The following KLHL8 variants were observed in gnomAD, a reference collection of about 807,000 sequenced individuals.
KLHL8 encodes the protein kelch-like protein 8.
Under a neutral mutation model 63.5 loss-of-function variants are expected in KLHL8, and 38 were observed. The ratio of observed to expected loss-of-function variants is 0.60; its 90% CI spans 0.46 to 0.78. KLHL8 has a LOEUF of 0.78. Ranked by LOEUF, KLHL8 falls within the 30% of genes least tolerant of loss-of-function variation. KLHL8 has a pLI of 0.00. For synonymous variants in KLHL8, 224 were observed against 254.3 expected, an observed-to-expected ratio of 0.88 and a Z score of 1.13; for missense variants, 566 against 752.4, an observed-to-expected ratio of 0.75 and a Z score of 2.90.
intron 1 of KLHL8, among the ~76,000 whole-genome samples, chr4:87,214,431 T>TATATATATATATAG (rs1732517209): frequency 1.8e-5 from 1 of 56,576 alleles, no homozygotes; most frequent in Non-Finnish European, 3.3e-5. Context: ...TATATATATA[T>TATATATATATATAG]ATATATATAT....
At chr4:87,234,375 G>C (rs2110072364) in intron 1 of KLHL8, among the ~76,000 whole-genome samples, 1 of 151,366 alleles carries the variant, frequency 6.6e-6, no homozygotes, top group South Asian at 2.1e-4. Context: ...GGAGGCAGAG[G>C]TTGCACTGAG....
chr4:87,209,848 GTTT>G (rs35717106), intron 1 of KLHL8, among the ~76,000 whole-genome samples: 23 of 105,398 alleles, frequency 2.2e-4, no homozygotes, highest in Non-Finnish European at 3.1e-4. Context: ...TCCGTTTTGG[GTTT>G]TTTTTTTTTT....
chr4:87,205,915 C>T (rs1732110300), intron 1 of KLHL8, among the ~76,000 whole-genome samples: 1 of 152,172 alleles, frequency 6.6e-6, no homozygotes, highest in Admixed American at 6.5e-5. Context: ...TATTAACTAC[C>T]ACACTACAGT....
chr4:87,192,747 T>C (rs1731542890), intron 2 of KLHL8, among the ~76,000 whole-genome samples: 1 of 151,910 alleles, frequency 6.6e-6, no homozygotes, highest in Non-Finnish European at 1.5e-5. Context: ...GCCTATTACA[T>C]ACCTGGGCTA....
In KLHL8 at chr4:87,195,448, G is replaced by A; in HGVS notation, c.92C>T (p.Ser31Phe). Residue 31 changes from serine to phenylalanine, a missense_variant, in exon 2 of 10, where the codon TCC becomes TTC. Physicochemically the swap from Ser to Phe is radical, Grantham distance 155. Coordinates refer to ENST00000273963, the MANE Select transcript of KLHL8 (RefSeq NM_020803.5). Reference sequence around the variant, plus strand: ...TTCTCCATCACCATCACTAATTGAGGATCTGTTCTTTATTTGCTGGTGCTG... The same window carrying A: ...TTCTCCATCACCATCACTAATTGAGAATCTGTTCTTTATTTGCTGGTGCTG... ...QQQHQQIKNR[S>F]SISDGDGEDS... 1 of 1,613,766 alleles carries A rather than the reference G, an allele frequency of 6.2e-7. No homozygotes were observed.
At chr4:87,208,220 T>C (rs1732234873) in intron 1 of KLHL8, 2 of 312,006 alleles carry the variant, frequency 6.4e-6, no homozygotes, top group Admixed American at 4.1e-5. Context: ...CATGTAGAAC[T>C]CCTGAAGAGG....
At chr4:87,231,563 T>C (rs898153524) in intron 1 of KLHL8, among the ~76,000 whole-genome samples, 1 of 152,126 alleles carries the variant, frequency 6.6e-6, no homozygotes, top group Non-Finnish European at 1.5e-5. Flanking sequence ...TACAAGGACA[T>C]GCTTTGCTTG....
chr4:87,218,506 C>T (rs1432966158), intron 1 of KLHL8, among the ~76,000 whole-genome samples: 3 of 151,836 alleles, frequency 2.0e-5, no homozygotes, highest in African/African-American at 7.3e-5. Context: ...CGTGAGCCAC[C>T]GCGCCCGGCC....
At chr4:87,200,209 T>TA (rs1448852099) in intron 1 of KLHL8, among the ~76,000 whole-genome samples, 1 of 147,632 alleles carries the variant, frequency 6.8e-6, no homozygotes, top group Non-Finnish European at 1.5e-5. Flanking sequence ...CCAAAGATGA[T>TA]ATATAAATGG....
chr4:87,185,827 T>G (rs1308055263), intron 2 of KLHL8, 28 bp from the exon 3 acceptor site: 1 of 1,519,236 alleles, frequency 6.6e-7, no homozygotes, highest in South Asian at 1.3e-5. Context: ...AGAAAGATTC[T>G]GTTTAATATC....
intron 1 of KLHL8, among the ~76,000 whole-genome samples, chr4:87,228,296 T>C (rs1733070253): frequency 6.6e-6 from 1 of 152,194 alleles, no homozygotes; most frequent in African/African-American, 2.4e-5. Context: ...ATGGGGGCCA[T>C]GGGAACCCCT....
At chr4:87,231,042 A>G (rs1451167488) in intron 1 of KLHL8, among the ~76,000 whole-genome samples, 2 of 152,150 alleles carry the variant, frequency 1.3e-5, no homozygotes, top group East Asian at 3.9e-4. Flanking sequence ...AGCCCTGGCC[A>G]GCACAGCAGG....
At position 87,165,681 on chromosome 4, in the gene KLHL8, T is replaced by C. The variant is rs188029411; in HGVS notation, c.1538-1602A>G. ...CAAAGTGCTGGGATTACAGGGGTAA[T>C]CCCTGCACCTGGCCAAGTTTTTGAT... On this transcript the variant is annotated intron_variant, in intron 8 of 9. Transcript: ENST00000273963. Among the ~76,000 whole-genome samples the C allele has an allele frequency of 1.4e-3, 214 of 152,076 alleles. 2 individuals are homozygous for C. Among genetic ancestry groups the C allele is most frequent in the Admixed American group, 0.013 (204 of 15,264 alleles).
chr4:87,213,815 T>C (rs1436287659), intron 1 of KLHL8, among the ~76,000 whole-genome samples: 1 of 152,296 alleles, frequency 6.6e-6, no homozygotes, highest in Non-Finnish European at 1.5e-5. Context: ...GCCTTGCTTT[T>C]GAGAGATATC....
In KLHL8 at chr4:87,163,931, A is replaced by C; in HGVS notation, c.1686T>G (p.His562Gln). 6.2e-7 allele frequency: 1 copy of C among 1,614,196 alleles called. No homozygotes were observed. Among genetic ancestry groups the C allele is most frequent in the Non-Finnish European group, 8.5e-7 (1 of 1,180,026 alleles). Residue 562 changes from histidine (H) to glutamine (Q), a missense_variant, in exon 9 of 10, where the codon CAT (histidine) becomes CAG (glutamine). By Grantham distance (24) the His-to-Gln change is conservative. Coordinates refer to ENST00000273963, the MANE Select transcript of KLHL8 (RefSeq NM_020803.5). The part of the protein sequence containing the change: ...VMGKIFAVGG[H>Q]NGNAYLNTVE... The stretch of plus-strand genomic sequence containing the variant: ...CTGTATTTAAGTATGCATTGCCATT[A>C]TGACCACCAACTGCAAAGATTTTGC...
chr4:87,163,559 T>C lies in KLHL8; in HGVS notation c.1823A>G (p.Asp608Gly). ...CACATTATTGGATCCATGACCTACA[T>C]CTCGAATTTGGCTAGTTAAACAGGA... The part of the protein sequence containing the change: ...VCSCLTSQIR[D>G]VGHGSNNVVD... Residue 608 changes from aspartate (D) to glycine (G), a missense_variant, in exon 10 of 10, where the codon GAT (aspartate) becomes GGT (glycine). Coordinates refer to ENST00000273963, the MANE Select transcript of KLHL8 (RefSeq NM_020803.5). 6.2e-7 allele frequency: 1 copy of C among 1,614,130 alleles called. No individual in the cohort carries two copies. The highest frequency in any genetic ancestry group is 8.5e-7 in the Non-Finnish European group (1 of 1,180,010).
chr4:87,163,830 T>G (rs1203341652), intron 9 of KLHL8, 48 bp downstream of exon 9: 12 of 1,575,954 alleles, frequency 7.6e-6, no homozygotes, highest in Admixed American at 6.7e-5. Flanking sequence ...AGTAATCTAC[T>G]ATTATACCAG....
intron 3 of KLHL8, 115 bp from the exon 4 acceptor site, chr4:87,183,504 C>T: frequency 2.7e-6 from 2 of 754,588 alleles, no homozygotes; most frequent in East Asian, 5.5e-5. Context: ...TCCACTTCTA[C>T]TGCAGCATGT....
At chr4:87,186,021 C>T (rs1038114402) in intron 2 of KLHL8, among the ~76,000 whole-genome samples, 1 of 151,320 alleles carries the variant, frequency 6.6e-6, no homozygotes, top group Non-Finnish European at 1.5e-5. Context: ...TATATATATA[C>T]ACATACTTTA....
Sources: allele counts gnomAD v4.1 joint callset (sites outside exome capture counted in the v4.1 genomes callset), GRCh38; gene constraint gnomAD v4.1.1; transcripts MANE v1.5; gene names NCBI Gene and HGNC (gene_info 2026-07-23, HGNC 2026-07-21).